MIS18BP1: variants seen among roughly 807,000 people sequenced by gnomAD.
The protein encoded by MIS18BP1 is MIS18 binding protein 1, also known as mis18-binding protein 1.
Under a neutral mutation model 116.1 loss-of-function variants are expected in MIS18BP1, and 72 were observed. That is an observed-to-expected ratio of 0.62 (90% CI 0.51 to 0.75). The LOEUF (loss-of-function observed/expected upper bound fraction) is 0.75, where lower values mean the gene tolerates loss of function less well. Ranked by LOEUF, MIS18BP1 falls within the 30% of genes least tolerant of loss-of-function variation. MIS18BP1 has a pLI of 0.00. For missense variants in MIS18BP1, 1,363 were observed against 1,303.2 expected (o/e 1.05, Z -0.71); for synonymous variants, 386 against 427.0 (o/e 0.90, Z 1.18).
At chr14:45,243,529 G>T (rs1891640569) in intron 2 of MIS18BP1, among the ~76,000 whole-genome samples, 1 of 151,834 alleles carries the variant, frequency 6.6e-6, no homozygotes, top group African/African-American at 2.4e-5. Flanking sequence ...CACACAAAAA[G>T]GGGATGATAA....
chr14:45,225,048 CA>C (rs1891088927), intron 10 of MIS18BP1, among the ~76,000 whole-genome samples: 2 of 152,262 alleles, frequency 1.3e-5, no homozygotes, highest in Admixed American at 1.3e-4. Flanking sequence ...TCACTGTTGT[CA>C]AAATCTCAAC....
At position 45,224,116 on chromosome 14, in the gene MIS18BP1, C is replaced by T. The variant is rs963329519; in HGVS notation, c.2471G>A (p.Ser824Asn). The part of the protein sequence containing the change: ...PVILEPETEE[S>N]ENEFYIKQKK... ...TTGTTTGATATAAAATTCATTTTCA[C>T]TTTCTTCAGTTTCAGGTTCCAAAAT... The change falls in exon 11 of 17, where the codon AGT becomes AAT. Residue 824 changes from serine (S) to asparagine (N), a missense_variant. Ser to Asn is a conservative substitution (Grantham distance 46). Transcript: ENST00000310806. 1 of 1,612,534 alleles carries T rather than the reference C, an allele frequency of 6.2e-7. No individual in the cohort carries two copies. Among genetic ancestry groups the T allele is most frequent in the South Asian group, 1.1e-5 (1 of 90,588 alleles).
At chr14:45,204,559 G>T in intron 15 of MIS18BP1, 106 bp from the exon 16 acceptor site, 2 of 705,248 alleles carry the variant, frequency 2.8e-6, no homozygotes, top group Non-Finnish European at 4.7e-6. Context: ...TTGAACATAT[G>T]CCTATAACAA....
chr14:45,223,839 C>T, intron 11 of MIS18BP1, 79 bp downstream of exon 11: 1 of 1,032,250 alleles, frequency 9.7e-7, no homozygotes, highest in Non-Finnish European at 1.4e-6. Context: ...TCCATGTTAA[C>T]CCCTTATTGC....
At chr14:45,206,208 T>C (rs1027929244) in intron 14 of MIS18BP1, 38 bp from the exon 15 acceptor site, 2 of 1,396,952 alleles carry the variant, frequency 1.4e-6, no homozygotes, top group Non-Finnish European at 1.0e-6. Flanking sequence ...CAACAATATT[T>C]TTAAGTCAAC....
chr14:45,224,393 C>T lies in MIS18BP1; in HGVS notation c.2194G>A (p.Glu732Lys). 1.9e-6 allele frequency: 3 copies of T among 1,613,544 alleles called. No individual in the cohort carries two copies. The highest frequency in any genetic ancestry group is 2.5e-6 in the Non-Finnish European group (3 of 1,179,852). Reference sequence around the variant, plus strand: ...TCAGAGGTGAGCATTTGTTCCTTTTCAAGGTTAGATATTTTTATTTTCCGG... The same window carrying T: ...TCAGAGGTGAGCATTTGTTCCTTTTTAAGGTTAGATATTTTTATTTTCCGG... The part of the protein sequence containing the change: ...VNRKIKISNL[E>K]KEQMLTSDFK... Residue 732 changes from glutamate to lysine, a missense_variant, in exon 11 of 17, where the codon GAA (glutamate) becomes AAA (lysine). Coordinates refer to ENST00000310806, the MANE Select transcript of MIS18BP1 (RefSeq NM_018353.5).
At chr14:45,233,022 A>C (rs1009304877) in intron 6 of MIS18BP1, among the ~76,000 whole-genome samples, 1 of 152,174 alleles carries the variant, frequency 6.6e-6, no homozygotes, top group Non-Finnish European at 1.5e-5. Flanking sequence ...ATGTGGAAAA[A>C]AGTAGCTAAC....
chr14:45,223,848 G>T, intron 11 of MIS18BP1, 70 bp downstream of exon 11: 2 of 1,148,562 alleles, frequency 1.7e-6, no homozygotes, highest in Non-Finnish European at 1.2e-6. Context: ...ACCCCTTATT[G>T]CTATTTTTAT....
chr14:45,217,892 A>T (rs956280397), intron 12 of MIS18BP1, among the ~76,000 whole-genome samples: 1 of 152,202 alleles, frequency 6.6e-6, no homozygotes, highest in Non-Finnish European at 1.5e-5. Context: ...GGCATAATCA[A>T]CCTTTTACTA....
rs963507032 is a variant in MIS18BP1, at chr14:45,242,141, T to C, written c.1036A>G (p.Thr346Ala). 5 of 1,614,136 alleles carry C rather than the reference T, an allele frequency of 3.1e-6. No individual in the cohort carries two copies. Among genetic ancestry groups the C allele is most frequent in the Non-Finnish European group, 3.4e-6 (4 of 1,180,002 alleles). ...MKDTCKIVLA[T>A]PRLHITIPRR... ...GGTATTGTTATATGAAGTCTTGGTG[T>C]TGCAAGTACAATTTTACATGTATCT... is the stretch of plus-strand genomic sequence containing the variant. Residue 346 changes from threonine to alanine, a missense_variant, in exon 4 of 17, where the codon ACA becomes GCA. Thr to Ala is a moderately conservative substitution (Grantham distance 58). Coordinates refer to ENST00000310806, the MANE Select transcript of MIS18BP1 (RefSeq NM_018353.5).
Position 45,246,852 on chromosome 14 carries a change from A to C in MIS18BP1, c.435T>G (p.Asn145Lys), listed in dbSNP as rs780443532. 6.2e-7 allele frequency: 1 copy of C among 1,611,570 alleles called. No individual in the cohort carries two copies. The highest frequency in any genetic ancestry group is 2.2e-5 in the East Asian group (1 of 44,788). The change falls in exon 2 of 17, where the codon AAT (asparagine) becomes AAG (lysine). Residue 145 changes from asparagine (N) to lysine (K), a missense_variant. By Grantham distance (94) the Asn-to-Lys change is moderately conservative. Transcript: ENST00000310806. ...CAACTCTGTTAGGAGTGAAGGTTTC[A>C]TTATTTCCACTTTTCTGTGGTTCCA... is the stretch of plus-strand genomic sequence containing the variant. ...SLLEPQKSGN[N>K]ETFTPNRVEK...
chr14:45,224,492 A>C lies in MIS18BP1; in HGVS notation c.2095T>G (p.Leu699Val). The stretch of plus-strand genomic sequence containing the variant: ...TTATGACCTTCAAATGTATTTTCTA[A>C]AGTCCCCATGGACTTGCTGATGGGA... ...KSPISKSMGT[L>V]ENTFEGHKSK... Residue 699 changes from leucine to valine, a missense_variant, in exon 11 of 17, where the codon TTA (leucine) becomes GTA (valine). By Grantham distance (32) the Leu-to-Val change is conservative. Coordinates refer to ENST00000310806, the MANE Select transcript of MIS18BP1 (RefSeq NM_018353.5). 6.2e-7 allele frequency: 1 copy of C among 1,613,662 alleles called. No individual in the cohort carries two copies. Among genetic ancestry groups the C allele is most frequent in the Non-Finnish European group, 8.5e-7 (1 of 1,179,888 alleles).
chr14:45,247,415 G>T, intron 1 of MIS18BP1, 38 bp from the exon 2 acceptor site: 1 of 681,492 alleles, frequency 1.5e-6, no homozygotes, highest in Non-Finnish European at 2.3e-6. Flanking sequence ...ATCATGCTTT[G>T]GTGCAGAAAA....
intron 6 of MIS18BP1, among the ~76,000 whole-genome samples, chr14:45,234,830 T>C (rs549612864): frequency 1.3e-5 from 2 of 152,126 alleles, no homozygotes; most frequent in African/African-American, 4.8e-5. Flanking sequence ...TGGTGCCAGG[T>C]GGGTTCAACA....
chr14:45,215,906 G>A (rs143349197), intron 13 of MIS18BP1, among the ~76,000 whole-genome samples: 23 of 149,448 alleles, frequency 1.5e-4, no homozygotes, highest in South Asian at 8.6e-4. Context: ...AGCTTTCACC[G>A]TGTTGGCCAG....
At chr14:45,227,634 G>C in intron 9 of MIS18BP1, 29 bp downstream of exon 9, 1 of 1,584,182 alleles carries the variant, frequency 6.3e-7, no homozygotes, top group Non-Finnish European at 8.6e-7. Flanking sequence ...ATATCAACTT[G>C]AACTATACAG....
chr14:45,233,698 C>T, intron 6 of MIS18BP1, among the ~76,000 whole-genome samples: 1 of 152,090 alleles, frequency 6.6e-6, no homozygotes, highest in East Asian at 1.9e-4. Flanking sequence ...ATGAGAGAAA[C>T]TGAGAATTTA....
At chr14:45,218,202 A>ATATCAG in intron 12 of MIS18BP1, 80 bp downstream of exon 12, 1 of 1,368,276 alleles carries the variant, frequency 7.3e-7, no homozygotes, top group East Asian at 2.4e-5. Flanking sequence ...ATTCATGGAT[A>ATATCAG]AATATAAAAT....
At chr14:45,231,341 A>C in intron 7 of MIS18BP1, 43 bp from the exon 8 acceptor site, 7 of 1,471,104 alleles carry the variant, frequency 4.8e-6, no homozygotes, top group South Asian at 1.4e-5. Flanking sequence ...ACTGATTCTC[A>C]AAAAAACAAA....
Sources: gnomAD v4.1 joint callset for allele counts (sites outside exome capture counted in the v4.1 genomes callset) on GRCh38, gnomAD v4.1.1 for gene constraint, MANE v1.5 for transcripts, NCBI Gene and HGNC (gene_info 2026-07-23, HGNC 2026-07-21) for gene names.